Variants in FSTL5 observed in about 807,000 individuals in gnomAD.
The protein encoded by FSTL5 is follistatin like 5.
A neutral mutation model predicts 89.1 loss-of-function variants in FSTL5; 62 were observed. That is an observed-to-expected ratio of 0.70 (90% CI 0.57 to 0.86). The LOEUF (loss-of-function observed/expected upper bound fraction) is 0.86. Among genes scored for constraint, FSTL5 ranks in the 40% least tolerant of loss-of-function variants. The pLI is 0.00. For missense variants in FSTL5, 1,057 were observed against 1,001.6 expected, an observed-to-expected ratio of 1.06 and a Z score of -0.75; for synonymous variants, 383 against 346.2, an observed-to-expected ratio of 1.11 and a Z score of -1.18.
rs1388589315 is a variant in FSTL5, at chr4:161,933,314, C to T, written c.161-12662G>A. Among the ~76,000 whole-genome samples, 5 of 152,152 alleles carry T rather than the reference C, an allele frequency of 3.3e-5. No individual in the cohort carries two copies. In the East Asian group the frequency reaches 9.7e-4, roughly 29 times the overall value. The stretch of plus-strand genomic sequence containing the variant: ...TCACCCTTGGTGACTGTCCTTGTTT[C>T]TTTCCTCTGCCCACCTTCTCAATTC... On this transcript the variant is annotated intron_variant, in intron 3 of 15. Transcript: ENST00000306100.
At chr4:161,607,419 A>C (rs772876050) in intron 7 of FSTL5, among the ~76,000 whole-genome samples, 6 of 152,166 alleles carry the variant, frequency 3.9e-5, no homozygotes, top group Non-Finnish European at 8.8e-5. Context: ...GCTGAAATAT[A>C]TATAATACTA....
At chr4:161,498,369 G>A (rs1730166007) in intron 12 of FSTL5, among the ~76,000 whole-genome samples, 1 of 152,038 alleles carries the variant, frequency 6.6e-6, no homozygotes, top group South Asian at 2.1e-4. Context: ...CTCACCCAGA[G>A]CTGTCAAGAA....
chr4:161,736,662 C>G (rs557564525), intron 6 of FSTL5, among the ~76,000 whole-genome samples: 1 of 152,140 alleles, frequency 6.6e-6, no homozygotes, highest in South Asian at 2.1e-4. Context: ...ATGAGAGCTC[C>G]TTTAATATTT....
intron 6 of FSTL5, among the ~76,000 whole-genome samples, chr4:161,752,959 G>A (rs900655558): frequency 8.5e-5 from 13 of 152,218 alleles, no homozygotes; most frequent in African/African-American, 2.6e-4. Flanking sequence ...CACTGCATTG[G>A]CTGGTACCTT....
At position 161,542,654 on chromosome 4, in the gene FSTL5, C is replaced by A; in HGVS notation, c.1055G>T (p.Arg352Ile). The A allele has an allele frequency of 6.5e-7, 1 of 1,542,606 alleles. No homozygotes were observed. The highest frequency in any genetic ancestry group is 8.8e-7 in the Non-Finnish European group (1 of 1,139,912). ...AAGACTGGCAGTTACCCCAGGCTCT[C>A]TAGCCTGACTCTCTGGATACACCCG... ...VIRVYPESQA[R>I]EPGVTASLRC... The change falls in exon 9 of 16, where the codon AGA becomes ATA. Residue 352 changes from arginine to isoleucine, a missense_variant. Around this residue, in one of 3 missense-constraint regions of FSTL5, gnomAD observed 980 missense variants for 903.2 expected, o/e 1.08. Transcript: ENST00000306100.
intron 7 of FSTL5, among the ~76,000 whole-genome samples, chr4:161,596,091 C>A (rs1734004004): frequency 6.6e-6 from 1 of 151,784 alleles, no homozygotes; most frequent in African/African-American, 2.4e-5. Flanking sequence ...TCTAAGCAAA[C>A]TTCTACATAT....
At chr4:161,479,501 C>A (rs1332029907) in intron 13 of FSTL5, among the ~76,000 whole-genome samples, 2 of 152,064 alleles carry the variant, frequency 1.3e-5, no homozygotes, top group South Asian at 2.1e-4. Flanking sequence ...TTTTAATCCA[C>A]CAGCAAGGAG....
chr4:161,415,708 CATAT>C (rs894440524), intron 15 of FSTL5, among the ~76,000 whole-genome samples: 5 of 144,900 alleles, frequency 3.5e-5, no homozygotes, highest in African/African-American at 1.0e-4. Flanking sequence ...AGAGAGAGAA[CATAT>C]ATATATATGG....
At chr4:161,770,442 C>T (rs1425329952) in intron 5 of FSTL5, among the ~76,000 whole-genome samples, 1 of 151,754 alleles carries the variant, frequency 6.6e-6, no homozygotes, top group East Asian at 1.9e-4. Flanking sequence ...ATCCCTATAT[C>T]AAAGTGTCTC....
chr4:161,848,514 T>C (rs1731448138), intron 4 of FSTL5, among the ~76,000 whole-genome samples: 1 of 152,194 alleles, frequency 6.6e-6, no homozygotes, highest in Non-Finnish European at 1.5e-5. Context: ...ATATTTAATA[T>C]GATAGCACGT....
At chr4:161,965,041 C>T (rs1025843778) in intron 3 of FSTL5, among the ~76,000 whole-genome samples, 1 of 152,060 alleles carries the variant, frequency 6.6e-6, no homozygotes, top group African/African-American at 2.4e-5. Context: ...TTCCCTAAAG[C>T]ATCATTACAG....
chr4:162,066,234 G>A (rs1350831810), intron 2 of FSTL5, among the ~76,000 whole-genome samples: 4 of 150,882 alleles, frequency 2.7e-5, no homozygotes, highest in Non-Finnish European at 5.9e-5. Flanking sequence ...ACTTTCTCTG[G>A]TTAGTATCTA....
chr4:162,058,758 A>G (rs1738634707), intron 2 of FSTL5, among the ~76,000 whole-genome samples: 1 of 152,054 alleles, frequency 6.6e-6, no homozygotes, highest in Non-Finnish European at 1.5e-5. Context: ...AGAAATTTTT[A>G]TGGTTGACAT....
intron 10 of FSTL5, among the ~76,000 whole-genome samples, chr4:161,523,861 T>C (rs1731116427): frequency 6.6e-6 from 1 of 152,178 alleles, no homozygotes; most frequent in African/African-American, 2.4e-5. Context: ...TTGTGGTATC[T>C]CCAGGATAAA....
Position 161,556,121 on chromosome 4 carries a change from A to G in FSTL5, c.1016-13428T>C, listed in dbSNP as rs145053200. ...TTTAGTCAAAGCTGTGTCTAAACAC[A>G]TTTTAAACAGATCAAACACCTTCTC... On this transcript the variant is annotated intron_variant, in intron 8 of 15. Coordinates refer to ENST00000306100, the MANE Select transcript of FSTL5 (RefSeq NM_020116.5). 5.9e-3 allele frequency among the ~76,000 whole-genome samples: 894 copies of G among 151,714 alleles called. 6 individuals are homozygous for G. Among genetic ancestry groups the G allele is most frequent in the African/African-American group, 0.02 (840 of 41,510 alleles).
chr4:162,162,965 C>A (rs919700294), intron 1 of FSTL5, among the ~76,000 whole-genome samples: 3 of 152,130 alleles, frequency 2.0e-5, no homozygotes, highest in African/African-American at 7.2e-5. Flanking sequence ...CAAACAGCCC[C>A]CAACTTGGAA....
At chr4:161,927,327 A>G (rs1734154695) in intron 3 of FSTL5, among the ~76,000 whole-genome samples, 1 of 151,670 alleles carries the variant, frequency 6.6e-6, no homozygotes, top group African/African-American at 2.4e-5. Context: ...TAAAATTTAA[A>G]ATAGCAGATA....
At chr4:161,882,881 G>A (rs947649230) in intron 4 of FSTL5, among the ~76,000 whole-genome samples, 1 of 152,070 alleles carries the variant, frequency 6.6e-6, no homozygotes, top group Non-Finnish European at 1.5e-5. Flanking sequence ...GATGCATGTA[G>A]GAAGATAATG....
chr4:161,818,581 T>A (rs951991991), intron 4 of FSTL5, among the ~76,000 whole-genome samples: 32 of 152,324 alleles, frequency 2.1e-4, no homozygotes, highest in Middle Eastern at 3.4e-3. Flanking sequence ...CCTGTCTATA[T>A]GCTCCCCTAG....
Sources: gnomAD v4.1 joint callset for allele counts (sites outside exome capture counted in the v4.1 genomes callset) on GRCh38, gnomAD v4.1.1 for gene constraint, gnomAD v4.1.1 regional missense constraint, MANE v1.5 for transcripts, NCBI Gene and HGNC (gene_info 2026-07-23, HGNC 2026-07-21) for gene names.